DMBT1: variants seen among roughly 807,000 people sequenced by gnomAD.
DMBT1 encodes deleted in malignant brain tumors 1.
DMBT1 carries 198 observed loss-of-function variants against 252.9 expected under a neutral mutation model. The ratio of observed to expected loss-of-function variants is 0.78; its 90% CI spans 0.70 to 0.88. The LOEUF (loss-of-function observed/expected upper bound fraction) is 0.88. Among genes scored for constraint, DMBT1 ranks in the 40% least tolerant of loss-of-function variants. The pLI, the probability that DMBT1 is intolerant of heterozygous loss-of-function variation, is 0.00. For synonymous variants in DMBT1, 990 were observed against 942.7 expected (o/e 1.05, Z -0.92); for missense variants, 2,432 against 2,404.7 (o/e 1.01, Z -0.24).
Position 122,586,368 on chromosome 10 carries a change from G to A in DMBT1, c.1768G>A (p.Gly590Ser). 1 of 1,588,548 alleles carries A rather than the reference G, an allele frequency of 6.3e-7. No homozygotes were observed. Among genetic ancestry groups the A allele is most frequent in the African/African-American group, 1.3e-5 (1 of 74,628 alleles). ...SHNCGHSEDA[G>S]VICSGPESSL... ...TAACTGTGGCCATAGTGAAGACGCT[G>A]GTGTCATCTGCTCAGGTGGGCCTCC... The change falls in exon 16 of 56, where the codon GGT (glycine) becomes AGT (serine). Residue 590 changes from glycine (G) to serine (S), a missense_variant. Physicochemically the swap from Gly to Ser is moderately conservative, Grantham distance 56. Coordinates refer to ENST00000338354, the MANE Select transcript of DMBT1 (RefSeq NM_001377530.1).
chr10:122,568,496 C>T (rs577475951), intron 2 of DMBT1, among the ~76,000 whole-genome samples: 25 of 152,118 alleles, frequency 1.6e-4, no homozygotes, highest in African/African-American at 5.5e-4. Context: ...TGTAAATAAG[C>T]AGGGTGGTGA....
At chr10:122,580,495 G>A (rs367853986) in intron 10 of DMBT1, among the ~76,000 whole-genome samples, 1 of 152,238 alleles carries the variant, frequency 6.6e-6, no homozygotes. Context: ...AGGCCAGCCA[G>A]ACATGGCCTT....
In DMBT1 at chr10:122,621,118, G is replaced by A. The variant is rs2133639301; in HGVS notation, c.5346G>A (p.Val1782=). Residue 1782 remains valine, a synonymous_variant, in exon 44 of 56, where the codon GTG becomes GTA. Transcript: ENST00000338354. ...VNGGDRCRGR[V]EVLYRGSWGT... ...GAGGTGACAGGTGTCGAGGCCGAGT[G>A]GAGGTCCTGTATCGAGGCTCCTGGG... The A allele has an allele frequency of 6.2e-7, 1 of 1,613,776 alleles. No homozygotes were observed. Among genetic ancestry groups the A allele is most frequent in the Middle Eastern group, 1.7e-4 (1 of 5,974 alleles).
At chr10:122,586,521 A>G in intron 16 of DMBT1, 138 bp downstream of exon 16, 2 of 1,370,878 alleles carry the variant, frequency 1.5e-6, no homozygotes, top group Non-Finnish European at 1.9e-6. Flanking sequence ...TCTCCTAGGA[A>G]ACCGCATGAG....
intron 44 of DMBT1, among the ~76,000 whole-genome samples, chr10:122,622,617 AC>A (rs1257707246): frequency 6.6e-6 from 1 of 152,156 alleles, no homozygotes; most frequent in Non-Finnish European, 1.5e-5. Context: ...CTGTCCCAGT[AC>A]CTCTGGCTGA....
Position 122,599,078 on chromosome 10 carries a change from C to G in DMBT1, c.3261C>G (p.Asp1087Glu), listed in dbSNP as rs377379898. 6.2e-7 allele frequency: 1 copy of G among 1,613,834 alleles called. No individual in the cohort carries two copies. The highest frequency in any genetic ancestry group is 8.5e-7 in the Non-Finnish European group (1 of 1,179,756). The change falls in exon 26 of 56, where the codon GAC becomes GAG. Residue 1087 changes from aspartate to glutamate, a missense_variant. Around this residue, in one of 3 missense-constraint regions of DMBT1, gnomAD observed 1,264 missense variants for 1,082.2 expected, o/e 1.17. Transcript: ENST00000338354. ...CCCACAACTGTGGCCATAGTGAAGACGCTGGTGTCATCTGCTCAGGTGGGC... is the reference window on the plus strand; with the variant it reads ...CCCACAACTGTGGCCATAGTGAAGAGGCTGGTGTCATCTGCTCAGGTGGGC... Reference protein sequence around the residue: ...WLSHNCGHSEDAGVICSASQS... With the variant: ...WLSHNCGHSEEAGVICSASQS...
In DMBT1 at chr10:122,593,375, A is replaced by G. The variant is rs2097867412; in HGVS notation, c.2501-194A>G. Among the ~76,000 whole-genome samples the G allele has an allele frequency of 1.3e-5, 2 of 148,156 alleles. 1 individual carries two copies. Among genetic ancestry groups the G allele is most frequent in the Non-Finnish European group, 3.0e-5 (2 of 66,514 alleles). ...ACAATTTGATCACCTCAGAGCTGGC[A>G]ATAGTGGAAGGATCTGCCTCGACCC... On this transcript the variant is annotated intron_variant, in intron 20 of 55. Coordinates refer to ENST00000338354, the MANE Select transcript of DMBT1 (RefSeq NM_001377530.1).
At chr10:122,571,978 G>T (rs1028102861) in intron 4 of DMBT1, among the ~76,000 whole-genome samples, 1 of 152,224 alleles carries the variant, frequency 6.6e-6, no homozygotes, top group Admixed American at 6.5e-5. Flanking sequence ...ATTTGAGGGT[G>T]TGTTTGAGCT....
chr10:122,638,712 G>C (rs201330201), intron 54 of DMBT1, among the ~76,000 whole-genome samples: 2 of 152,174 alleles, frequency 1.3e-5, no homozygotes, highest in South Asian at 2.1e-4. Flanking sequence ...CCCAAATGCT[G>C]GGATTACGGG....
chr10:122,629,850 A>T lies in DMBT1; in HGVS notation c.5679A>T (p.Ser1893=). The T allele has an allele frequency of 6.2e-7, 1 of 1,613,982 alleles. No individual in the cohort carries two copies. Among genetic ancestry groups the T allele is most frequent in the Non-Finnish European group, 8.5e-7 (1 of 1,179,874 alleles). The change falls in exon 47 of 56, where the codon TCA becomes TCT. Residue 1893 remains serine, a synonymous_variant. Coordinates refer to ENST00000338354, the MANE Select transcript of DMBT1 (RefSeq NM_001377530.1). ...CTCTCTCCTCTCTAGGACCCTCTTC[A>T]AATTGTGGTGGCTTCTTATTCTATG... ...PTTTTTARPS[S]NCGGFLFYAS... is the part of the protein sequence containing the mutation.
chr10:122,578,592 G>T (rs951216558), intron 8 of DMBT1, 126 bp from the exon 9 acceptor site: 2 of 784,352 alleles, frequency 2.5e-6, no homozygotes, highest in African/African-American at 3.4e-5. Context: ...GACACATGGG[G>T]AGCAAGTGGC....
chr10:122,589,180 C>T lies in DMBT1; in HGVS notation c.2020C>T (p.His674Tyr), dbSNP rs1487263896. 4 of 1,588,338 alleles carry T rather than the reference C, an allele frequency of 2.5e-6. 1 individual carries two copies. Among genetic ancestry groups the T allele is most frequent in the Non-Finnish European group, 1.7e-6 (2 of 1,165,724 alleles). The change falls in exon 17 of 56, where the codon CAT becomes TAT. Residue 674 changes from histidine to tyrosine, a missense_variant. Transcript: ENST00000338354. ...IVLDDVRCSG[H>Y]ESYLWSCPNN... ...CCTGGATGATGTGCGCTGCTCAGGA[C>T]ATGAGTCCTACCTGTGGAGCTGCCC...
chr10:122,599,963 T>G, intron 26 of DMBT1, 101 bp from the exon 27 acceptor site: 1 of 1,489,954 alleles, frequency 6.7e-7, no homozygotes. Flanking sequence ...GGAACTAGGA[T>G]GGACTGAGTG....
rs538324305 is a variant in DMBT1 at position 122,600,346 on chromosome 10, C to A, written c.3310+253C>A. On this transcript the variant is annotated intron_variant, in intron 27 of 55. Transcript: ENST00000338354. ...AGTTTCATACTGTCCCAGTGGACAA[C>A]CCTTACAGGTTCAGGAAGTGGCCCC... Among the ~76,000 whole-genome samples the A allele has an allele frequency of 1.7e-4, 26 of 152,186 alleles. No individual in the cohort carries two copies. In the South Asian group the frequency reaches 2.1e-3, roughly 12 times the overall value.
rs529817733 is a variant in DMBT1 at position 122,571,996 on chromosome 10, C to T, written c.188-318C>T. Among the ~76,000 whole-genome samples, 12 of 152,326 alleles carry T rather than the reference C, an allele frequency of 7.9e-5. No homozygotes were observed. In the South Asian group the frequency reaches 1.4e-3, roughly 18 times the overall value. On this transcript the variant is annotated intron_variant, in intron 4 of 55. Coordinates refer to ENST00000338354, the MANE Select transcript of DMBT1 (RefSeq NM_001377530.1). ...TGAGGGTGTGTTTGAGCTATAGAAA[C>T]AGCCAGATGTCATTTGACGTCCATT...
At position 122,576,587 on chromosome 10, in the gene DMBT1, G is replaced by A. The variant is rs2097714320; in HGVS notation, c.472G>A (p.Gly158Ser). The A allele has an allele frequency of 6.2e-7, 1 of 1,613,798 alleles. No individual in the cohort carries two copies. The highest frequency in any genetic ancestry group is 8.5e-7 in the Non-Finnish European group (1 of 1,179,836). ...GTCAGCTCCAGGAAATGCCTGGTTT[G>A]GCCAGGGCTCAGGACCCATTGCCCT... is the stretch of plus-strand genomic sequence containing the variant. ...AMSAPGNAWFGQGSGPIALDD... is the reference protein window; with the variant it reads ...AMSAPGNAWFSQGSGPIALDD... The change falls in exon 7 of 56, where the codon GGC becomes AGC. Residue 158 changes from glycine to serine, a missense_variant. Physicochemically the swap from Gly to Ser is moderately conservative, Grantham distance 56. Transcript: ENST00000338354.
In DMBT1 at chr10:122,637,182, A is replaced by T; in HGVS notation, c.6812A>T (p.Gln2271Leu). The change falls in exon 54 of 56, where the codon CAA (glutamine) becomes CTA (leucine). Residue 2271 changes from glutamine to leucine, a missense_variant. By Grantham distance (113) the Gln-to-Leu change is moderately radical (BLOSUM62 -2). This residue lies in a region of DMBT1 where 1,162 missense variants were observed against 1,169.0 expected (regional missense o/e 0.99). Transcript: ENST00000338354. ...MQASVSRSYLQSLGFSASDLV... is the reference protein window; with the variant it reads ...MQASVSRSYLLSLGFSASDLV... ...GCCAGTGTGAGCAGGAGCTATCTCCAATCCTTGGGCTTTTCTGCCAGTGAC... is the reference window on the plus strand; with the variant it reads ...GCCAGTGTGAGCAGGAGCTATCTCCTATCCTTGGGCTTTTCTGCCAGTGAC... The T allele has an allele frequency of 6.2e-7, 1 of 1,613,998 alleles. No individual in the cohort carries two copies. Among genetic ancestry groups the T allele is most frequent in the African/African-American group, 1.3e-5 (1 of 75,038 alleles).
chr10:122,631,371 C>G (rs1466937929), intron 49 of DMBT1, 90 bp downstream of exon 49: 4 of 1,489,656 alleles, frequency 2.7e-6, no homozygotes, highest in Non-Finnish European at 3.7e-6. Context: ...GTCTGTGGCC[C>G]AGGCAGGAGC....
chr10:122,571,279 G>A (rs967768319), intron 4 of DMBT1, among the ~76,000 whole-genome samples: 4 of 152,186 alleles, frequency 2.6e-5, no homozygotes, highest in Non-Finnish European at 4.4e-5. Flanking sequence ...CGTGGTGGAG[G>A]CAGGCTTCAG....
Sources: allele counts gnomAD v4.1 joint callset (sites outside exome capture counted in the v4.1 genomes callset), GRCh38; gene constraint gnomAD v4.1.1; regional missense constraint gnomAD v4.1.1; transcripts MANE v1.5; gene names NCBI Gene and HGNC (gene_info 2026-07-23, HGNC 2026-07-21).